Variants in SLC66A3 observed in about 807,000 individuals in gnomAD.
The protein encoded by SLC66A3 is PQ loop repeat containing 3.
Under a neutral mutation model 25.5 loss-of-function variants are expected in SLC66A3, and 23 were observed. The observed-to-expected ratio is 0.90, with a 90% confidence interval of 0.65 to 1.28. SLC66A3 has a LOEUF of 1.28. Among genes scored for constraint, SLC66A3 ranks in the 50% most tolerant of loss-of-function variants. The pLI, the probability that SLC66A3 is intolerant of heterozygous loss-of-function variation, is 0.00. For synonymous variants in SLC66A3, 108 were observed against 112.6 expected, an observed-to-expected ratio of 0.96 and a Z score of 0.26; for missense variants, 246 against 262.1, an observed-to-expected ratio of 0.94 and a Z score of 0.42.
intron 5 of SLC66A3, among the ~76,000 whole-genome samples, chr2:11,173,632 C>CA (rs1360798837): frequency 2.6e-5 from 4 of 152,120 alleles, no homozygotes; most frequent in African/African-American, 9.7e-5. Flanking sequence ...GAAGGTAGAC[C>CA]AAAAAACTTC....
intron 5 of SLC66A3, 40 bp from the exon 6 acceptor site, chr2:11,174,928 G>T: frequency 6.5e-7 from 1 of 1,540,156 alleles, no homozygotes; most frequent in South Asian, 1.2e-5. Context: ...CAAAATGTCC[G>T]AGAGGCAAGT....
In SLC66A3 at chr2:11,177,852, G is replaced by C. The variant is rs1167794065; in HGVS notation, c.*24G>C. The C allele has an allele frequency of 7.1e-7, 1 of 1,405,936 alleles. No homozygotes were observed. Among genetic ancestry groups the C allele is most frequent in the East Asian group, 2.3e-5 (1 of 43,316 alleles). 87.1% of individuals were successfully genotyped at this position (1,405,936 alleles called of 1,614,324 possible). ...GATGGATACATTATTCCTTCACACA[G>C]TGGATTTTGAGTAACTGAACCAAAG... On this transcript the variant is annotated 3_prime_UTR_variant, in exon 7 of 7. Coordinates refer to ENST00000295083, the MANE Select transcript of SLC66A3 (RefSeq NM_152391.5).
intron 4 of SLC66A3, among the ~76,000 whole-genome samples, chr2:11,167,270 C>A (rs553630072): frequency 1.2e-4 from 19 of 152,294 alleles, no homozygotes; most frequent in African/African-American, 4.6e-4. Context: ...AATGGCGAAA[C>A]CCCGTCTACT....
chr2:11,178,172 A>ATCT lies in SLC66A3; in HGVS notation c.*346_*348dup, dbSNP rs1662835241. 5.8e-6 allele frequency: 1 copy of ATCT among 171,990 alleles called. No homozygotes were observed. Among genetic ancestry groups the ATCT allele is most frequent in the Admixed American group, 6.3e-5 (1 of 15,928 alleles). The allele number at this position is 171,990 out of a possible 1,614,324, so 10.7% of individuals were successfully genotyped here. A position where few individuals can be genotyped will look rare whatever the true frequency, so the allele number is the denominator to read the frequency against. ...CTACATTGATTTGTTGGCTTTCAGA[A>ATCT]TCTTTTAGGAAATAAATCCTCTCCA... On this transcript the variant is annotated 3_prime_UTR_variant, in exon 7 of 7. Coordinates refer to ENST00000295083, the MANE Select transcript of SLC66A3 (RefSeq NM_152391.5).
Position 11,155,557 on chromosome 2 carries a change from C to A in SLC66A3, c.11C>A (p.Ala4Glu). 1 of 1,502,422 alleles carries A rather than the reference C, an allele frequency of 6.7e-7. No homozygotes were observed. The highest frequency in any genetic ancestry group is 8.8e-7 in the Non-Finnish European group (1 of 1,134,698). 93.1% of individuals were successfully genotyped at this position (1,502,422 alleles called of 1,614,324 possible). MEA[A>E]LLGLCNWSTL... ...CGCGCCCGTGGCGCTATGGAGGCGG[C>A]GCTGCTGGGGCTGTGTAACTGGAGC... Residue 4 changes from alanine to glutamate, a missense_variant, in exon 1 of 7, where the codon GCG becomes GAG. Transcript: ENST00000295083.
chr2:11,169,857 T>TTTTTTTTTTG (rs71287135), intron 4 of SLC66A3, among the ~76,000 whole-genome samples: 1 of 145,750 alleles, frequency 6.9e-6, no homozygotes, highest in Non-Finnish European at 1.5e-5. Flanking sequence ...TTTTTTTTTT[T>TTTTTTTTTTG]GAGACAGAGT....
At position 11,160,136 on chromosome 2, in the gene SLC66A3, C is replaced by T. The variant is rs140212042; in HGVS notation, c.144-330C>T. Among the ~76,000 whole-genome samples, 1,099 of 152,306 alleles carry T rather than the reference C, an allele frequency of 7.2e-3. 15 individuals carry two copies. Among genetic ancestry groups the T allele is most frequent in the African/African-American group, 0.025 (1,038 of 41,576 alleles). On this transcript the variant is annotated intron_variant, in intron 1 of 6. Coordinates refer to ENST00000295083, the MANE Select transcript of SLC66A3 (RefSeq NM_152391.5). Reference sequence around the variant, plus strand: ...CCCAACATGGCAGGCAGGCCAGAAGCGTGGGCCCAGAAGGCCCAGTCTCAT... The same window carrying T: ...CCCAACATGGCAGGCAGGCCAGAAGTGTGGGCCCAGAAGGCCCAGTCTCAT...
At chr2:11,174,064 C>T (rs1016575099) in intron 5 of SLC66A3, among the ~76,000 whole-genome samples, 31 of 152,126 alleles carry the variant, frequency 2.0e-4, no homozygotes, top group Admixed American at 5.9e-4. Flanking sequence ...AAGCGATTCT[C>T]CTGCCTCAGC....
Position 11,155,494 on chromosome 2 carries a change from G to A in SLC66A3, c.-53G>A, listed in dbSNP as rs770586280. 1.4e-6 allele frequency: 2 copies of A among 1,442,924 alleles called. No individual in the cohort carries two copies. Among genetic ancestry groups the A allele is most frequent in the Non-Finnish European group, 1.8e-6 (2 of 1,106,860 alleles). 89.4% of individuals were successfully genotyped at this position (1,442,924 alleles called of 1,614,324 possible). A position where few individuals can be genotyped will look rare whatever the true frequency, so the allele number is the denominator to read the frequency against. ...GCTTCGGCAGAGCTGCGCCGCCGAG[G>A]CTGAGCGGTCCCTTCTCGCTGCGGC... On this transcript the variant is annotated 5_prime_UTR_variant, in exon 1 of 7. Transcript: ENST00000295083.
At chr2:11,155,785 G>C in intron 1 of SLC66A3, 96 bp downstream of exon 1, 2 of 1,164,232 alleles carry the variant, frequency 1.7e-6, no homozygotes, top group Non-Finnish European at 2.2e-6. Flanking sequence ...GGGCGGGGAT[G>C]ATCCCCGCGC....
chr2:11,164,727 G>A (rs1156431855), intron 4 of SLC66A3, among the ~76,000 whole-genome samples: 1 of 139,608 alleles, frequency 7.2e-6, no homozygotes, highest in Non-Finnish European at 1.7e-5. Flanking sequence ...AGATTAGGGA[G>A]TGGTGATGAT....
chr2:11,163,459 A>G (rs1572181178), intron 3 of SLC66A3, among the ~76,000 whole-genome samples: 10 of 152,364 alleles, frequency 6.6e-5, no homozygotes, highest in Admixed American at 6.5e-4. Flanking sequence ...CTTTTAGCAC[A>G]GGGCATTGTC....
intron 6 of SLC66A3, among the ~76,000 whole-genome samples, chr2:11,177,286 C>G (rs993270334): frequency 2.0e-5 from 3 of 151,936 alleles, no homozygotes; most frequent in African/African-American, 7.3e-5. Flanking sequence ...ATGGTGAAAC[C>G]CTGTCTCTAC....
intron 4 of SLC66A3, among the ~76,000 whole-genome samples, chr2:11,166,074 G>A (rs35489252): frequency 0.32 from 48,667 of 151,960 alleles, 8,381 homozygotes; most frequent in East Asian, 0.54. Flanking sequence ...GGGTTTCACT[G>A]TGTTGGCCAG....
chr2:11,161,304 G>C (rs1326365959), intron 3 of SLC66A3, among the ~76,000 whole-genome samples: 4 of 150,718 alleles, frequency 2.7e-5, no homozygotes, highest in Admixed American at 2.7e-4. Flanking sequence ...ATTTTGAGAC[G>C]GTCTCGCTCT....
chr2:11,162,360 A>G (rs1482128849), intron 3 of SLC66A3, among the ~76,000 whole-genome samples: 3 of 152,212 alleles, frequency 2.0e-5, no homozygotes, highest in African/African-American at 7.2e-5. Context: ...AGGTTTTGGT[A>G]AACAGTACTT....
chr2:11,177,075 A>G (rs1230593619), intron 6 of SLC66A3, among the ~76,000 whole-genome samples: 3 of 152,182 alleles, frequency 2.0e-5, no homozygotes, highest in Non-Finnish European at 2.9e-5. Flanking sequence ...ATCTTAACAG[A>G]GTATGTTAAA....
chr2:11,175,698 C>T (rs967361427), intron 6 of SLC66A3, among the ~76,000 whole-genome samples: 1 of 152,156 alleles, frequency 6.6e-6, no homozygotes, highest in Non-Finnish European at 1.5e-5. Flanking sequence ...AAAGAAAAAG[C>T]TGTCATGGAG....
intron 4 of SLC66A3, among the ~76,000 whole-genome samples, chr2:11,165,461 C>T (rs990692794): frequency 2.0e-5 from 3 of 146,560 alleles, no homozygotes; most frequent in African/African-American, 2.6e-5. Flanking sequence ...CCAGACGGGG[C>T]GACGGGGCAG....
Sources: allele counts gnomAD v4.1 joint callset (sites outside exome capture counted in the v4.1 genomes callset), GRCh38; gene constraint gnomAD v4.1.1; transcripts MANE v1.5; gene names NCBI Gene and HGNC (gene_info 2026-07-23, HGNC 2026-07-21).